The following NFIB variants were observed in gnomAD, a reference collection of about 807,000 sequenced individuals.
The protein encoded by NFIB is nuclear factor I B, also known as nuclear factor 1 B-type.
NFIB carries 11 observed loss-of-function variants against 61.5 expected under a neutral mutation model. That is an observed-to-expected ratio of 0.18 (90% CI 0.11 to 0.30). NFIB has a LOEUF of 0.30. Ranked by LOEUF, NFIB falls within the 10% of genes least tolerant of loss-of-function variation. NFIB has a pLI of 1.00. For synonymous variants in NFIB, 260 were observed against 216.5 expected (o/e 1.20, Z -1.76); for missense variants, 471 against 608.9 (o/e 0.77, Z 2.38).
intron 2 of NFIB, among the ~76,000 whole-genome samples, chr9:14,233,620 G>C (rs571266982): frequency 1.3e-5 from 2 of 151,954 alleles, no homozygotes; most frequent in Non-Finnish European, 2.9e-5. Flanking sequence ...AGTAGAGACC[G>C]GGTTTTGCCA....
At chr9:14,396,848 G>C (rs10481502) in intron 1 of NFIB, among the ~76,000 whole-genome samples, 3,048 of 152,238 alleles carry the variant, frequency 0.02, 103 homozygotes, top group African/African-American at 0.069. Context: ...TGAATCTAAG[G>C]TGCCTGTGGT....
At chr9:14,484,372 A>ATCTGT in the NFIB span, among the ~76,000 whole-genome samples, 4 of 152,196 alleles carry the variant, frequency 2.6e-5, 1 homozygote, top group Non-Finnish European at 5.9e-5. Context: ...TTGAGAGCCA[A>ATCTGT]ATGGTACAGA....
At chr9:14,510,068 A>G in the NFIB span, among the ~76,000 whole-genome samples, 1 of 151,970 alleles carries the variant, frequency 6.6e-6, no homozygotes, top group Non-Finnish European at 1.5e-5. Flanking sequence ...GATAATTTTT[A>G]TATTGTTAGT....
At chr9:14,180,585 T>C (rs922047822) in intron 2 of NFIB, 22 of 152,260 alleles carry the variant, frequency 1.4e-4, no homozygotes, top group African/African-American at 5.1e-4. Context: ...CTGTTGTGTT[T>C]TGCTCACTCC....
At chr9:14,106,721 T>C (rs1430912780) in intron 10 of NFIB, among the ~76,000 whole-genome samples, 1 of 152,150 alleles carries the variant, frequency 6.6e-6, no homozygotes, top group Non-Finnish European at 1.5e-5. Flanking sequence ...TTAATATTGC[T>C]TGTGACTTCA....
intron 6 of NFIB, among the ~76,000 whole-genome samples, chr9:14,131,780 G>A (rs1252212518): frequency 6.6e-6 from 1 of 152,096 alleles, no homozygotes; most frequent in Non-Finnish European, 1.5e-5. Context: ...GTCTGTAGCA[G>A]CCTGTCATCC....
At chr9:14,305,857 C>A in intron 2 of NFIB, 1 of 494,916 alleles carries the variant, frequency 2.0e-6, no homozygotes, top group Non-Finnish European at 3.2e-6. Context: ...CATTTTTCCT[C>A]CCACCAGGCC....
intron 1 of NFIB, among the ~76,000 whole-genome samples, chr9:14,369,359 G>T (rs1588380371): frequency 6.6e-6 from 1 of 152,122 alleles, no homozygotes; most frequent in African/African-American, 2.4e-5. Context: ...ATCGGGTTAG[G>T]CTTCTCAGGA....
chr9:14,523,882 T>A, the NFIB span, among the ~76,000 whole-genome samples: 1 of 152,180 alleles, frequency 6.6e-6, no homozygotes, highest in Non-Finnish European at 1.5e-5. Context: ...GCCTTCTTCT[T>A]ACTCTTACCT....
chr9:14,328,646 T>C (rs896050602), intron 1 of NFIB, among the ~76,000 whole-genome samples: 1 of 152,060 alleles, frequency 6.6e-6, no homozygotes, highest in African/African-American at 2.4e-5. Context: ...ATATATATGA[T>C]TGCATAGTTA....
intron 1 of NFIB, among the ~76,000 whole-genome samples, chr9:14,338,820 T>C (rs1016242862): frequency 9.9e-5 from 15 of 151,994 alleles, no homozygotes; most frequent in African/African-American, 3.4e-4. Context: ...TATCTATCCA[T>C]CTCCCTCTCC....
At chr9:14,353,432 C>T (rs996149966) in intron 1 of NFIB, among the ~76,000 whole-genome samples, 4 of 151,978 alleles carry the variant, frequency 2.6e-5, no homozygotes, top group Non-Finnish European at 4.4e-5. Flanking sequence ...CTTGGCAGAG[C>T]GGGGGAGCTC....
chr9:14,463,659 C>CTCCTTTTT, the NFIB span, among the ~76,000 whole-genome samples: 40 of 65,808 alleles, frequency 6.1e-4, 4 homozygotes, highest in Admixed American at 9.3e-4. Flanking sequence ...ATTTGATTTT[C>CTCCTTTTT]TTTTTTTTTT....
At chr9:14,231,197 T>C (rs2131939859) in intron 2 of NFIB, among the ~76,000 whole-genome samples, 1 of 145,622 alleles carries the variant, frequency 6.9e-6, no homozygotes, top group African/African-American at 2.5e-5. Flanking sequence ...TAAGTTCAGA[T>C]TGCTATCTAA....
the NFIB span, among the ~76,000 whole-genome samples, chr9:14,525,193 C>T: frequency 1.3e-5 from 2 of 152,090 alleles, no homozygotes; most frequent in South Asian, 2.1e-4. Flanking sequence ...AGAGCTGAGC[C>T]CCAGAAAGAG....
intron 6 of NFIB, among the ~76,000 whole-genome samples, chr9:14,140,548 G>C (rs1281392099): frequency 6.6e-6 from 1 of 152,150 alleles, no homozygotes; most frequent in Non-Finnish European, 1.5e-5. Context: ...AATGAAAATA[G>C]TTGAAATTTT....
chr9:14,485,347 A>G, the NFIB span, among the ~76,000 whole-genome samples: 1 of 143,572 alleles, frequency 7.0e-6, no homozygotes, highest in African/African-American at 2.9e-5. Context: ...AGGTCAATTT[A>G]CCTGATTTTG....
At position 14,084,132 on chromosome 9, in the gene NFIB, A is replaced by C; in HGVS notation, c.*4177T>G. On this transcript the variant is annotated 3_prime_UTR_variant, in exon 11 of 11. Transcript: ENST00000380953. ...AGGAATCTGTGAAATAACTCCTAACATGGACAGATTTTCTTTTTAATACAT... is the reference window on the plus strand; with the variant it reads ...AGGAATCTGTGAAATAACTCCTAACCTGGACAGATTTTCTTTTTAATACAT... The C allele has an allele frequency of 4.9e-6, 1 of 202,878 alleles. No individual in the cohort carries two copies. Among genetic ancestry groups the C allele is most frequent in the Non-Finnish European group, 1.0e-5 (1 of 98,626 alleles). 12.6% of individuals were successfully genotyped at this position (202,878 alleles called of 1,614,324 possible). A position where few individuals can be genotyped will look rare whatever the true frequency, so the allele number is the denominator to read the frequency against.
At chr9:14,289,637 A>T (rs956627617) in intron 2 of NFIB, among the ~76,000 whole-genome samples, 5 of 151,998 alleles carry the variant, frequency 3.3e-5, no homozygotes, top group Non-Finnish European at 7.4e-5. Flanking sequence ...ATATAAATAC[A>T]TATGCACACT....
Sources: gnomAD v4.1 joint callset for allele counts (sites outside exome capture counted in the v4.1 genomes callset) on GRCh38, gnomAD v4.1.1 for gene constraint, MANE v1.5 for transcripts, NCBI Gene and HGNC (gene_info 2026-07-23, HGNC 2026-07-21) for gene names.